SLC38A9: variants seen among roughly 807,000 people sequenced by gnomAD.
SLC38A9 encodes the protein neutral amino acid transporter 9.
In SLC38A9, 48 loss-of-function variants were observed where a neutral mutation model predicts 62.3. The ratio of observed to expected loss-of-function variants is 0.77; its 90% CI spans 0.61 to 0.98. The LOEUF (loss-of-function observed/expected upper bound fraction) is 0.98. SLC38A9 is among the 50% of genes least tolerant of loss of function. The pLI is 0.00. For synonymous variants in SLC38A9, 204 were observed against 227.7 expected (o/e 0.90, Z 0.94); for missense variants, 541 against 679.8 (o/e 0.80, Z 2.27).
At chr5:55,646,010 T>C (rs971797086) in intron 11 of SLC38A9, 115 bp from the exon 12 acceptor site, 75 of 661,980 alleles carry the variant, frequency 1.1e-4, no homozygotes, top group Non-Finnish European at 1.8e-4. Context: ...GGAATAAGAA[T>C]ATTAAAATGT....
chr5:55,638,336 G>T (rs1344584010), intron 12 of SLC38A9, among the ~76,000 whole-genome samples: 2 of 151,946 alleles, frequency 1.3e-5, no homozygotes, highest in Non-Finnish European at 2.9e-5. Context: ...CCATTTAATG[G>T]AACAGGATAG....
Position 55,626,490 on chromosome 5 carries a change from T to C in SLC38A9, c.*4A>G, listed in dbSNP as rs753197808. Reference sequence around the variant, plus strand: ...GAGCTCTTGAAAAAAACAGTTGAGGTATTTCACATAAAAAACTGAACAATC... The same window carrying C: ...GAGCTCTTGAAAAAAACAGTTGAGGCATTTCACATAAAAAACTGAACAATC... On this transcript the variant is annotated 3_prime_UTR_variant, in exon 16 of 16. Coordinates refer to ENST00000396865, the MANE Select transcript of SLC38A9 (RefSeq NM_173514.4). 1.4e-5 allele frequency: 23 copies of C among 1,608,644 alleles called. No homozygotes were observed. In the South Asian group the frequency reaches 1.5e-4, roughly 11 times the overall value.
intron 9 of SLC38A9, 72 bp downstream of exon 9, chr5:55,656,643 C>T (rs977598820): frequency 7.4e-5 from 73 of 988,346 alleles, no homozygotes; most frequent in Non-Finnish European, 1.1e-4. Context: ...AATAAGGTCA[C>T]ATGTTCTACC....
intron 2 of SLC38A9, among the ~76,000 whole-genome samples, chr5:55,710,067 CAAAA>C (rs1174162436): frequency 4.8e-5 from 1 of 20,890 alleles, no homozygotes. Context: ...GACTCCATCT[CAAAA>C]AAAAAAAAAA....
At chr5:55,650,494 A>G (rs1054010791) in intron 10 of SLC38A9, among the ~76,000 whole-genome samples, 11 of 152,334 alleles carry the variant, frequency 7.2e-5, no homozygotes, top group South Asian at 4.1e-4. Context: ...AAATCCTTCT[A>G]TAAGTTTATA....
At chr5:55,692,922 A>C in intron 3 of SLC38A9, 1 of 980,386 alleles carries the variant, frequency 1.0e-6, no homozygotes, top group Non-Finnish European at 1.2e-6. Context: ...ACTATAAATG[A>C]CAATGATAAA....
intron 3 of SLC38A9, among the ~76,000 whole-genome samples, chr5:55,676,893 T>C (rs553210588): frequency 3.2e-4 from 48 of 152,070 alleles, no homozygotes; most frequent in Non-Finnish European, 5.4e-4. Context: ...TGATAATAAA[T>C]GTTTAGAAAT....
chr5:55,655,882 T>G (rs1748319159), intron 9 of SLC38A9, among the ~76,000 whole-genome samples: 1 of 152,200 alleles, frequency 6.6e-6, no homozygotes, highest in Non-Finnish European at 1.5e-5. Flanking sequence ...TATATTCACT[T>G]TCCCTGTAAC....
chr5:55,680,267 G>T (rs916076224), intron 3 of SLC38A9, among the ~76,000 whole-genome samples: 2 of 151,950 alleles, frequency 1.3e-5, no homozygotes, highest in Non-Finnish European at 2.9e-5. Context: ...ACTGTACATA[G>T]ATGTGATGCA....
At chr5:55,637,926 G>C (rs1309760887) in intron 12 of SLC38A9, among the ~76,000 whole-genome samples, 1 of 152,020 alleles carries the variant, frequency 6.6e-6, no homozygotes, top group Non-Finnish European at 1.5e-5. Context: ...TAGCTACTAT[G>C]ATGGGGAGCT....
At chr5:55,635,484 A>G in intron 13 of SLC38A9, 60 bp downstream of exon 13, 7 of 1,214,640 alleles carry the variant, frequency 5.8e-6, no homozygotes, top group Non-Finnish European at 8.5e-6. Context: ...GTATCACCCT[A>G]CCTACTATAA....
At chr5:55,661,302 A>G (rs1000499386) in intron 8 of SLC38A9, among the ~76,000 whole-genome samples, 2 of 151,986 alleles carry the variant, frequency 1.3e-5, no homozygotes, top group African/African-American at 4.8e-5. Flanking sequence ...AACATTAGCC[A>G]GGCATGGTGG....
intron 8 of SLC38A9, among the ~76,000 whole-genome samples, chr5:55,662,847 T>A (rs11739411): frequency 6.6e-6 from 1 of 151,804 alleles, no homozygotes; most frequent in South Asian, 2.1e-4. Context: ...AATATTTTCT[T>A]TTTATAGGAA....
At chr5:55,662,949 G>T (rs112062247) in intron 8 of SLC38A9, among the ~76,000 whole-genome samples, 5,248 of 150,074 alleles carry the variant, frequency 0.035, 127 homozygotes, top group African/African-American at 0.066. Context: ...AGGCTGGAGT[G>T]CAGTGGTGCA....
chr5:55,709,225 C>T (rs75713588), intron 2 of SLC38A9, among the ~76,000 whole-genome samples: 75 of 152,198 alleles, frequency 4.9e-4, no homozygotes, highest in African/African-American at 1.6e-3. Context: ...ACCAAAGCAA[C>T]GCTGTGGTAC....
At chr5:55,660,860 G>C (rs1749390932) in intron 8 of SLC38A9, among the ~76,000 whole-genome samples, 2 of 152,054 alleles carry the variant, frequency 1.3e-5, no homozygotes, top group African/African-American at 4.8e-5. Flanking sequence ...ATGAAAAAAT[G>C]GTTGAAAAAC....
chr5:55,646,726 G>C (rs1746427333), intron 11 of SLC38A9, among the ~76,000 whole-genome samples: 1 of 152,018 alleles, frequency 6.6e-6, no homozygotes, highest in South Asian at 2.1e-4. Flanking sequence ...GATTGAAATA[G>C]CATACATACT....
chr5:55,696,354 C>A (rs1580404399), intron 3 of SLC38A9: 1 of 63,444 alleles, frequency 1.6e-5, no homozygotes, highest in African/African-American at 4.7e-5. Flanking sequence ...GGCTGACCCC[C>A]CCACCTCCCT....
At chr5:55,685,332 A>C (rs1279808429) in intron 3 of SLC38A9, among the ~76,000 whole-genome samples, 2 of 152,112 alleles carry the variant, frequency 1.3e-5, no homozygotes, top group African/African-American at 4.8e-5. Flanking sequence ...CCGAATCTAG[A>C]AAGTTTATAT....
Sources: allele counts gnomAD v4.1 joint callset (sites outside exome capture counted in the v4.1 genomes callset), GRCh38; gene constraint gnomAD v4.1.1; transcripts MANE v1.5; gene names NCBI Gene and HGNC (gene_info 2026-07-23, HGNC 2026-07-21).